The following RBFOX1 variants were observed in gnomAD, a reference collection of about 807,000 sequenced individuals.
RBFOX1 encodes the protein RNA binding protein fox-1 homolog 1.
A neutral mutation model predicts 57.7 loss-of-function variants in RBFOX1; 8 were observed. The observed-to-expected ratio is 0.14, with a 90% CI of 0.08 to 0.25. The LOEUF is 0.25. Among genes scored for constraint, RBFOX1 ranks in the 10% least tolerant of loss-of-function variants. The probability of loss-of-function intolerance (pLI) is 1.00; values close to 1 mark genes in which losing one functional copy is unlikely to be tolerated. For missense variants in RBFOX1, 611 were observed against 548.5 expected, an observed-to-expected ratio of 1.11 and a Z score of -1.14; for synonymous variants, 326 against 222.4, an observed-to-expected ratio of 1.47 and a Z score of -4.15.
At position 5,984,948 on chromosome 16, in the gene RBFOX1, A is replaced by T. The variant is rs200552292; in HGVS notation, c.351+117613A>T. ...TACACCTGTATAGGGCAACTCCATT[A>T]TATATATATATATATATATATATAT... On this transcript the variant is annotated intron_variant, in intron 4 of 19. Transcript: ENST00000641259. Among the ~76,000 whole-genome samples, 116 of 53,914 alleles carry T rather than the reference A, an allele frequency of 2.2e-3. No homozygotes were observed. The South Asian group carries it at 0.032, about 15-fold the overall frequency. The allele number at this position is 53,914 out of a possible 152,430, so 35.4% of individuals were successfully genotyped here.
intron 3 of RBFOX1, among the ~76,000 whole-genome samples, chr16:6,965,661 C>G (rs186286791): frequency 2.1e-3 from 314 of 152,224 alleles, no homozygotes; most frequent in African/African-American, 7.1e-3. Context: ...TCACTGAGTT[C>G]TGGAAAATGT....
intron 11 of RBFOX1, among the ~76,000 whole-genome samples, chr16:7,636,119 T>C (rs1362519553): frequency 6.6e-6 from 1 of 152,232 alleles, no homozygotes; most frequent in Non-Finnish European, 1.5e-5. Flanking sequence ...CCAAGCTACC[T>C]CTTTTTCTAT....
intron 4 of RBFOX1, among the ~76,000 whole-genome samples, chr16:5,984,922 G>A (rs1419203506): frequency 7.5e-6 from 1 of 132,894 alleles, no homozygotes; most frequent in Non-Finnish European, 1.6e-5. Context: ...AATAAAAATG[G>A]TACACCTGTA....
intron 1 of RBFOX1, among the ~76,000 whole-genome samples, chr16:5,285,983 G>T (rs1275193100): frequency 6.6e-6 from 1 of 152,110 alleles, no homozygotes; most frequent in Non-Finnish European, 1.5e-5. Context: ...TGTTGGCCGG[G>T]CTGGTCTCGA....
intron 2 of RBFOX1, among the ~76,000 whole-genome samples, chr16:6,418,332 A>C (rs559696988): frequency 6.6e-6 from 1 of 152,216 alleles, no homozygotes; most frequent in African/African-American, 2.4e-5. Context: ...TGGAGAAAGA[A>C]CAGAATCTCT....
rs369550075 is a variant in RBFOX1, at chr16:6,607,490, C to T, written c.-63-47113C>T. On this transcript the variant is annotated intron_variant, in intron 2 of 15. Transcript: ENST00000550418. ...CCTCCTCTGTCTCTCCTTACTCTTT[C>T]TTCCTCTCTCTCCCCTCTCTTCTCT... Among the ~76,000 whole-genome samples the T allele has an allele frequency of 3.4e-5, 5 of 148,464 alleles. No individual in the cohort carries two copies. The East Asian group carries it at 8.0e-4, about 24-fold the overall frequency.
chr16:5,586,425 A>G (rs951345592), intron 2 of RBFOX1, among the ~76,000 whole-genome samples: 1 of 152,194 alleles, frequency 6.6e-6, no homozygotes, highest in African/African-American at 2.4e-5. Context: ...AGAGCTTTAT[A>G]TATGTTATTT....
intron 3 of RBFOX1, among the ~76,000 whole-genome samples, chr16:5,824,532 G>C (rs2055969361): frequency 6.6e-6 from 1 of 152,222 alleles, no homozygotes; most frequent in African/African-American, 2.4e-5. Context: ...CTGGTCAGTG[G>C]CTTTCTGGGG....
chr16:7,059,721 A>G (rs2053644950), intron 4 of RBFOX1, among the ~76,000 whole-genome samples: 1 of 152,182 alleles, frequency 6.6e-6, no homozygotes, highest in Non-Finnish European at 1.5e-5. Context: ...CATCCTATGT[A>G]GTGACTGTTT....
intron 3 of RBFOX1, among the ~76,000 whole-genome samples, chr16:6,813,591 C>T (rs569659076): frequency 1.3e-5 from 2 of 152,290 alleles, no homozygotes; most frequent in East Asian, 1.9e-4. Flanking sequence ...TGCATCCAAA[C>T]CTCTCTCTCC....
chr16:6,684,990 C>G (rs1037072939), intron 3 of RBFOX1, among the ~76,000 whole-genome samples: 4 of 152,048 alleles, frequency 2.6e-5, no homozygotes, highest in African/African-American at 9.7e-5. Flanking sequence ...TAACATTTTA[C>G]AAAATGGGAA....
chr16:6,394,731 C>G (rs900752470), intron 2 of RBFOX1, among the ~76,000 whole-genome samples: 8 of 151,774 alleles, frequency 5.3e-5, no homozygotes, highest in African/African-American at 1.9e-4. Context: ...CTCCACCAGT[C>G]CTCTGTGATT....
At chr16:7,163,721 A>G (rs997705110) in intron 4 of RBFOX1, among the ~76,000 whole-genome samples, 4 of 151,894 alleles carry the variant, frequency 2.6e-5, no homozygotes, top group African/African-American at 7.3e-5. Flanking sequence ...CAGTGGTGCA[A>G]TCTCATCTCA....
chr16:7,103,703 C>T (rs540719923), intron 4 of RBFOX1, among the ~76,000 whole-genome samples: 4 of 152,190 alleles, frequency 2.6e-5, no homozygotes, highest in African/African-American at 7.2e-5. Flanking sequence ...TAAATAATAA[C>T]GAATATGCCT....
intron 4 of RBFOX1, among the ~76,000 whole-genome samples, chr16:7,495,418 A>C (rs2068298751): frequency 6.6e-6 from 1 of 152,196 alleles, no homozygotes; most frequent in Non-Finnish European, 1.5e-5. Flanking sequence ...TGGCTGAACT[A>C]ATTTTACACA....
chr16:6,141,341 C>G (rs1412224753), intron 1 of RBFOX1, among the ~76,000 whole-genome samples: 1 of 152,144 alleles, frequency 6.6e-6, no homozygotes, highest in African/African-American at 2.4e-5. Context: ...GAGGCTATTC[C>G]TTTCTTTCAG....
At chr16:6,847,398 G>A (rs770712453) in intron 3 of RBFOX1, among the ~76,000 whole-genome samples, 16 of 152,014 alleles carry the variant, frequency 1.1e-4, no homozygotes, top group Non-Finnish European at 2.2e-4. Context: ...CTGGGGCCGG[G>A]TCTAGGGGAA....
chr16:7,514,582 A>G (rs1016861629), intron 4 of RBFOX1, among the ~76,000 whole-genome samples: 3 of 152,250 alleles, frequency 2.0e-5, no homozygotes, highest in East Asian at 3.9e-4. Flanking sequence ...ACCAGGTTTC[A>G]GCATCAAGGA....
At chr16:5,719,946 T>G (rs1453060660) in intron 3 of RBFOX1, among the ~76,000 whole-genome samples, 2 of 152,152 alleles carry the variant, frequency 1.3e-5, no homozygotes, top group African/African-American at 4.8e-5. Context: ...GGAGGGATGG[T>G]GACTCTTCCC....
Sources: gnomAD v4.1 joint callset for allele counts (sites outside exome capture counted in the v4.1 genomes callset) on GRCh38, gnomAD v4.1.1 for gene constraint, MANE v1.5 for transcripts, NCBI Gene and HGNC (gene_info 2026-07-23, HGNC 2026-07-21) for gene names.